THOP1: variants seen among roughly 807,000 people sequenced by gnomAD.
THOP1 encodes the protein thimet oligopeptidase 1, also known as thimet oligopeptidase.
A neutral mutation model predicts 71.8 loss-of-function variants in THOP1; 49 were observed. That is an observed-to-expected ratio of 0.68 (90% CI 0.54 to 0.87). The LOEUF is 0.87. Ranked by LOEUF, THOP1 falls within the 40% of genes least tolerant of loss-of-function variation. The pLI is 0.00. For missense variants in THOP1, 843 were observed against 975.6 expected (o/e 0.86, Z 1.81); for synonymous variants, 426 against 421.5 (o/e 1.01, Z -0.13).
At position 2,807,817 on chromosome 19, in the gene THOP1, GGGCAGC is replaced by G. The variant is rs768235963; in HGVS notation, c.1253+12_1253+17del. On this transcript the variant is annotated intron_variant, in intron 8 of 12. Transcript: ENST00000307741. ...CTGGACCTGTACCCGCGGTGGGTGAGGGCAGCGGGGGCGGGGGGCGCACCCCGGCCC... is the reference window on the plus strand; with the variant it reads ...CTGGACCTGTACCCGCGGTGGGTGAGGGGGGCGGGGGGCGCACCCCGGCCC... 13 of 1,463,392 alleles carry G rather than the reference GGGCAGC, an allele frequency of 8.9e-6. No homozygotes were observed. Among genetic ancestry groups the G allele is most frequent in the Non-Finnish European group, 1.1e-5 (12 of 1,110,856 alleles). 90.7% of individuals were successfully genotyped at this position (1,463,392 alleles called of 1,614,324 possible).
In THOP1 at chr19:2,804,697, G is replaced by C; in HGVS notation, c.590-319G>C. ...TGGAAGCCCACGATGTCCGGGGGTTGGGCTGGATTTAGCTTTAACCTCTCT... is the reference window on the plus strand; with the variant it reads ...TGGAAGCCCACGATGTCCGGGGGTTCGGCTGGATTTAGCTTTAACCTCTCT... On this transcript the variant is annotated intron_variant, in intron 5 of 12. Transcript: ENST00000307741. The surrounding 1 kb of genome is among the most constrained non-coding windows in gnomAD (Gnocchi z 4.7). 1 of 247,644 alleles carries C rather than the reference G, an allele frequency of 4.0e-6. No individual in the cohort carries two copies. The highest frequency in any genetic ancestry group is 5.4e-5 in the Admixed American group (1 of 18,600). The allele number at this position is 247,644 out of a possible 1,614,324, so 15.3% of individuals were successfully genotyped here. A position where few individuals can be genotyped will look rare whatever the true frequency, so the allele number is the denominator to read the frequency against.
In THOP1 at chr19:2,797,780, C is replaced by T. The variant is rs943247837; in HGVS notation, c.486+1592C>T. Among the ~76,000 whole-genome samples the T allele has an allele frequency of 7.7e-4, 117 of 152,338 alleles. 1 individual carries two copies. The highest frequency in any genetic ancestry group is 4.1e-4 in the Non-Finnish European group (28 of 68,040). ...CAGGAAAGAAAGCACACAGTTCAAT[C>T]AGGTCCCAGGCTGCAGCCATAGCCC... On this transcript the variant is annotated intron_variant, in intron 4 of 12. Transcript: ENST00000307741.
intron 2 of THOP1, among the ~76,000 whole-genome samples, chr19:2,793,590 C>T (rs763297806): frequency 5.9e-5 from 9 of 151,692 alleles, no homozygotes; most frequent in Non-Finnish European, 1.3e-4. Flanking sequence ...CTCGGGAGGC[C>T]GAGGCAGGAG....
In THOP1 at chr19:2,790,528, G is replaced by A. The variant is rs142015327; in HGVS notation, c.124G>A (p.Glu42Lys). ...AGAGGAGCGCACCAGGGAGCTCATC[G>A]AGCAGACCAAGCGCGTGTATGACCA... ...QIEERTRELI[E>K]QTKRVYDQVG... The change falls in exon 2 of 13, where the codon GAG becomes AAG. Residue 42 changes from glutamate (E) to lysine (K), a missense_variant. Physicochemically the swap from Glu to Lys is moderately conservative, Grantham distance 56 (BLOSUM62 1). Transcript: ENST00000307741. 9.7e-5 allele frequency: 156 copies of A among 1,607,684 alleles called. No homozygotes were observed. The highest frequency in any genetic ancestry group is 5.0e-4 in the Middle Eastern group (3 of 6,030).
chr19:2,808,494 G>A, intron 9 of THOP1, 50 bp downstream of exon 9: 4 of 1,523,448 alleles, frequency 2.6e-6, no homozygotes, highest in Non-Finnish European at 2.7e-6. Flanking sequence ...GGCAGGGGCT[G>A]CCTGTGGTCA....
Position 2,790,439 on chromosome 19 carries a change from C to A in THOP1, c.35C>A (p.Ala12Glu). 1 of 1,564,348 alleles carries A rather than the reference C, an allele frequency of 6.4e-7. No individual in the cohort carries two copies. Among genetic ancestry groups the A allele is most frequent in the Admixed American group, 1.9e-5 (1 of 52,646 alleles). ...KPPAACAGDM[A>E]DAASPCSVVN... ...TGCGTAGCCTGTGCAGGAGACATGGCGGACGCAGCATCTCCGTGCTCTGTG... is the reference window on the plus strand; with the variant it reads ...TGCGTAGCCTGTGCAGGAGACATGGAGGACGCAGCATCTCCGTGCTCTGTG... Residue 12 changes from alanine (A) to glutamate (E), a missense_variant, in exon 2 of 13, where the codon GCG becomes GAG. By Grantham distance (107) the Ala-to-Glu change is moderately radical. Coordinates refer to ENST00000307741, the MANE Select transcript of THOP1 (RefSeq NM_003249.5).
rs149603131 is a variant in THOP1 at position 2,811,621 on chromosome 19, G to A, written c.1795G>A (p.Gly599Ser). 11 of 1,613,220 alleles carry A rather than the reference G, an allele frequency of 6.8e-6. No individual in the cohort carries two copies. Among genetic ancestry groups the A allele is most frequent in the Non-Finnish European group, 7.6e-6 (9 of 1,179,866 alleles). The change falls in exon 12 of 13, where the codon GGC becomes AGC. Residue 599 changes from glycine (G) to serine (S), a missense_variant. Gly to Ser is a moderately conservative substitution (Grantham distance 56, BLOSUM62 0). Coordinates refer to ENST00000307741, the MANE Select transcript of THOP1 (RefSeq NM_003249.5). ...TPGTNMPATF[G>S]HLAGGYDAQY... ...AGGAACCAACATGCCTGCAACCTTC[G>A]GCCATCTGGCAGGTGGCTACGACGC... is the stretch of plus-strand genomic sequence containing the variant.
rs554442718 is a variant in THOP1 at position 2,804,689 on chromosome 19, C to G, written c.590-327C>G. 4.3e-6 allele frequency: 1 copy of G among 230,464 alleles called. No individual in the cohort carries two copies. The highest frequency in any genetic ancestry group is 2.3e-5 in the African/African-American group (1 of 43,776). The allele number at this position is 230,464 out of a possible 1,614,324, so 14.3% of individuals were successfully genotyped here. On this transcript the variant is annotated intron_variant, in intron 5 of 12. Transcript: ENST00000307741. This position sits in a 1 kb window ranked among gnomAD's most constrained non-coding sequence, Gnocchi z 4.7. ...CGGCGCCCTGGAAGCCCACGATGTC[C>G]GGGGGTTGGGCTGGATTTAGCTTTA...
In THOP1 at chr19:2,799,751, C is replaced by T. The variant is rs777650591; in HGVS notation, c.549C>T (p.Asn183=). The T allele has an allele frequency of 2.7e-5, 44 of 1,613,736 alleles. No individual in the cohort carries two copies. Among genetic ancestry groups the T allele is most frequent in the East Asian group, 4.5e-5 (2 of 44,892 alleles). Residue 183 remains asparagine, a synonymous_variant, in exon 5 of 13, where the codon AAC becomes AAT. Transcript: ENST00000307741. ...LLCIDFNKNL[N]EDTTFLPFTL... Reference sequence around the variant, plus strand: ...GCATCGACTTCAACAAGAACCTGAACGAGGACACGACCTTCCTGCCCTTCA... The same window carrying T: ...GCATCGACTTCAACAAGAACCTGAATGAGGACACGACCTTCCTGCCCTTCA...
rs576051058 is a variant in THOP1, at chr19:2,790,401, T to G, written c.17-20T>G. ...AACCGAAAGCAGACCCGCCCGGCAC[T>G]GGGTTTTGTTTCTGCGTAGCCTGTG... On this transcript the variant is annotated intron_variant, in intron 1 of 12. Coordinates refer to ENST00000307741, the MANE Select transcript of THOP1 (RefSeq NM_003249.5). 3.4e-5 allele frequency: 51 copies of G among 1,508,634 alleles called. No homozygotes were observed. The Middle Eastern group carries it at 5.4e-4, about 16-fold the overall frequency. The allele number at this position is 1,508,634 out of a possible 1,614,324, so 93.5% of individuals were successfully genotyped here. A position where few individuals can be genotyped will look rare whatever the true frequency, so the allele number is the denominator to read the frequency against.
rs139866476 is a variant in THOP1, at chr19:2,804,569, T to C, written c.590-447T>C. On this transcript the variant is annotated intron_variant, in intron 5 of 12. Transcript: ENST00000307741. This position sits in a 1 kb window ranked among gnomAD's most constrained non-coding sequence, Gnocchi z 4.7. Reference sequence around the variant, plus strand: ...CTCAGCTCTCCTGCTGTTTTTGTCTTTGATGGGAGGCACTGCCTCTAACGC... The same window carrying C: ...CTCAGCTCTCCTGCTGTTTTTGTCTCTGATGGGAGGCACTGCCTCTAACGC... 820 of 156,686 alleles carry C rather than the reference T, an allele frequency of 5.2e-3. 28 individuals are homozygous for C. Among genetic ancestry groups the C allele is most frequent in the Admixed American group, 0.044 (684 of 15,618 alleles). The allele number at this position is 156,686 out of a possible 1,614,324, so 9.7% of individuals were successfully genotyped here. A position where few individuals can be genotyped will look rare whatever the true frequency, so the allele number is the denominator to read the frequency against.
chr19:2,803,159 G>A (rs1015040525), intron 5 of THOP1, among the ~76,000 whole-genome samples: 1 of 152,212 alleles, frequency 6.6e-6, no homozygotes, highest in Admixed American at 6.5e-5. Context: ...GAGACCTGGC[G>A]CCTTTGAGTG....
intron 2 of THOP1, among the ~76,000 whole-genome samples, chr19:2,792,974 G>A (rs1915920942): frequency 1.3e-5 from 2 of 152,022 alleles, no homozygotes; most frequent in Admixed American, 6.6e-5. Flanking sequence ...TCAGGAGTTC[G>A]AGACCAGCCT....
At chr19:2,812,731 G>A (rs917975287) in intron 12 of THOP1, among the ~76,000 whole-genome samples, 2 of 152,216 alleles carry the variant, frequency 1.3e-5, no homozygotes, top group Admixed American at 6.5e-5. Flanking sequence ...CCGTAGTCCC[G>A]CAGTCACAGG....
intron 5 of THOP1, among the ~76,000 whole-genome samples, chr19:2,802,020 C>A (rs1346492977): frequency 6.6e-6 from 1 of 151,866 alleles, no homozygotes; most frequent in Non-Finnish European, 1.5e-5. Flanking sequence ...ATACCCACAT[C>A]TCCCGATACC....
Position 2,813,355 on chromosome 19 carries a change from G to C in THOP1, c.*79G>C. On this transcript the variant is annotated 3_prime_UTR_variant, in exon 13 of 13. Transcript: ENST00000307741. ...TTAGCCCCCGGCACAGGATGGGGCA[G>C]GCTCTGGCACAGTGCCTGGGACTGG... The C allele has an allele frequency of 6.2e-6, 9 of 1,461,000 alleles. No homozygotes were observed. The highest frequency in any genetic ancestry group is 8.2e-6 in the Non-Finnish European group (9 of 1,098,482). 90.5% of individuals were successfully genotyped at this position (1,461,000 alleles called of 1,614,324 possible).
chr19:2,800,887 C>T (rs1038182606), intron 5 of THOP1, among the ~76,000 whole-genome samples: 1 of 152,314 alleles, frequency 6.6e-6, no homozygotes, highest in South Asian at 2.1e-4. Flanking sequence ...GCACCATCCC[C>T]GTGGGGCTGC....
chr19:2,792,951 G>A (rs1915920389), intron 2 of THOP1, among the ~76,000 whole-genome samples: 2 of 152,224 alleles, frequency 1.3e-5, no homozygotes, highest in African/African-American at 4.8e-5. Context: ...CGAGGTGGGC[G>A]GATGACTTGA....
At chr19:2,806,768 G>T (rs1463692850) in intron 6 of THOP1, 149 bp from the exon 7 acceptor site, 2 of 1,342,322 alleles carry the variant, frequency 1.5e-6, no homozygotes, top group Non-Finnish European at 1.0e-6. Flanking sequence ...ATGACCAGAG[G>T]AGTTGTGTAG....
Sources: gnomAD v4.1 joint callset for allele counts (sites outside exome capture counted in the v4.1 genomes callset) on GRCh38, gnomAD v4.1.1 for gene constraint, Gnocchi (gnomAD v3.1) non-coding constraint, MANE v1.5 for transcripts, NCBI Gene and HGNC (gene_info 2026-07-23, HGNC 2026-07-21) for gene names.